The following IFT27 variants were observed in gnomAD, a reference collection of about 807,000 sequenced individuals.
The protein encoded by IFT27 is intraflagellar transport protein 27 homolog.
IFT27 carries 19 observed loss-of-function variants against 23.9 expected under a neutral mutation model. The observed-to-expected ratio is 0.79, with a 90% CI of 0.55 to 1.16. The LOEUF (loss-of-function observed/expected upper bound fraction) is 1.16. IFT27 is among the 50% of genes most tolerant of loss of function. IFT27 has a pLI of 0.00. For missense variants in IFT27, 206 were observed against 228.7 expected, an observed-to-expected ratio of 0.90 and a Z score of 0.64; for synonymous variants, 91 against 89.1, an observed-to-expected ratio of 1.02 and a Z score of -0.12.
At position 36,767,314 on chromosome 22, in the gene IFT27, C is replaced by T; in HGVS notation, c.166G>A (p.Asp56Asn). ...GTAAAGGCATCACTCACCACACTGT[C>T]TCCCGTGTCAGGAACTGGCACTGTC... ...VKTVPVPDTG[D>N]SVELFIFDSA... Residue 56 changes from aspartate (D) to asparagine (N), a missense_variant, in exon 3 of 7, where the codon GAC becomes AAC. By Grantham distance (23) the Asp-to-Asn change is conservative (BLOSUM62 1). Transcript: ENST00000433985. The T allele has an allele frequency of 1.2e-6, 2 of 1,613,808 alleles. No homozygotes were observed. The highest frequency in any genetic ancestry group is 1.7e-6 in the Non-Finnish European group (2 of 1,179,792).
rs1405881391 is a variant in IFT27, at chr22:36,775,684, G to C, written c.24C>G (p.Cys8Trp). Residue 8 changes from cysteine to tryptophan, a missense_variant, in exon 1 of 7, where the codon TGC becomes TGG. By Grantham distance (215) the Cys-to-Trp change is radical. Coordinates refer to ENST00000433985, the MANE Select transcript of IFT27 (RefSeq NM_001177701.3). Reference sequence around the variant, plus strand: ...AGTTTTCAGACTCACCTGCCAGGATGCATTTGGCTGCCAGCTTCACCATGG... The same window carrying C: ...AGTTTTCAGACTCACCTGCCAGGATCCATTTGGCTGCCAGCTTCACCATGG... MVKLAAK[C>W]ILAGDPAVGK... 1 of 1,614,026 alleles carries C rather than the reference G, an allele frequency of 6.2e-7. No homozygotes were observed. The highest frequency in any genetic ancestry group is 8.5e-7 in the Non-Finnish European group (1 of 1,180,026).
At chr22:36,768,334 G>T (rs186859243) in intron 1 of IFT27, 6 of 337,262 alleles carry the variant, frequency 1.8e-5, no homozygotes, top group Admixed American at 1.2e-4. Flanking sequence ...TGGGGCGTGG[G>T]GGGTGGAAGG....
At chr22:36,760,563 G>A (rs1938064059) in intron 6 of IFT27, 1 of 152,204 alleles carries the variant, frequency 6.6e-6, no homozygotes, top group African/African-American at 2.4e-5. Flanking sequence ...GCCTTGAATT[G>A]TGTTCTGCAG....
intron 4 of IFT27, 22 bp downstream of exon 4, chr22:36,766,116 A>G: frequency 6.2e-7 from 1 of 1,607,236 alleles, no homozygotes; most frequent in Non-Finnish European, 8.5e-7. Context: ...GACAGTCAGG[A>G]AAAAGACCAC....
intron 5 of IFT27, chr22:36,763,662 C>A (rs1685577761): frequency 1.8e-6 from 1 of 565,124 alleles, no homozygotes; most frequent in Non-Finnish European, 3.2e-6. Flanking sequence ...TATTACAGCA[C>A]CCTCCCGTTA....
chr22:36,772,496 A>T lies in IFT27; in HGVS notation c.34+3178T>A. ...TTTTTTAAAAGTAAACAAAATACAG[A>T]TCAATGTCAAATGTTGTTTTCTTTC... On this transcript the variant is annotated intron_variant, in intron 1 of 6. Transcript: ENST00000433985. 3 of 985,382 alleles carry T rather than the reference A, an allele frequency of 3.0e-6. No homozygotes were observed. The South Asian group carries it at 1.4e-4, about 46-fold the overall frequency. 61.0% of individuals were successfully genotyped at this position (985,382 alleles called of 1,614,324 possible).
At chr22:36,764,349 G>A (rs978534547) in intron 4 of IFT27, among the ~76,000 whole-genome samples, 2 of 152,268 alleles carry the variant, frequency 1.3e-5, no homozygotes, top group Admixed American at 1.3e-4. Flanking sequence ...TTTCCACTTT[G>A]TAGCTGAAGA....
intron 6 of IFT27, chr22:36,759,907 G>A (rs1004149358): frequency 6.6e-6 from 1 of 152,264 alleles, no homozygotes; most frequent in African/African-American, 2.4e-5. Context: ...TGGGATGTGC[G>A]AAGGAAACCA....
intron 5 of IFT27, 36 bp from the exon 6 acceptor site, chr22:36,763,049 C>T (rs1053352581): frequency 2.1e-6 from 3 of 1,454,414 alleles, no homozygotes; most frequent in African/African-American, 2.8e-5. Context: ...TGGCACTTCA[C>T]TGTCACACTC....
intron 4 of IFT27, 55 bp downstream of exon 4, chr22:36,766,083 T>C (rs1473779743): frequency 7.1e-6 from 10 of 1,399,522 alleles, no homozygotes; most frequent in Non-Finnish European, 1.0e-5. Context: ...CTGTCAGGGG[T>C]AAACGTTTTG....
chr22:36,761,482 T>C (rs1569074415), intron 6 of IFT27: 1 of 152,210 alleles, frequency 6.6e-6, no homozygotes, highest in Non-Finnish European at 1.5e-5. Context: ...AAGCCATGAA[T>C]ACAAGGATTT....
intron 3 of IFT27, 71 bp downstream of exon 3, chr22:36,767,235 T>C (rs759346058): frequency 5.8e-6 from 7 of 1,203,854 alleles, no homozygotes; most frequent in African/African-American, 1.5e-5. Flanking sequence ...CTAGGGAGGA[T>C]GGTGTGACCA....
At chr22:36,765,869 G>C (rs542613313) in intron 4 of IFT27, among the ~76,000 whole-genome samples, 5 of 152,366 alleles carry the variant, frequency 3.3e-5, no homozygotes, top group Admixed American at 1.3e-4. Flanking sequence ...GGCCTCACAG[G>C]GGGAGGGCTG....
chr22:36,776,054 T>A lies in IFT27; in HGVS notation c.-347A>T, dbSNP rs1938494469. 2.7e-6 allele frequency: 1 copy of A among 363,718 alleles called. No homozygotes were observed. Among genetic ancestry groups the A allele is most frequent in the Admixed American group, 3.8e-5 (1 of 26,170 alleles). 22.5% of individuals were successfully genotyped at this position (363,718 alleles called of 1,614,324 possible). A position where few individuals can be genotyped will look rare whatever the true frequency, so the allele number is the denominator to read the frequency against. On this transcript the variant is annotated 5_prime_UTR_variant, in exon 1 of 7. Transcript: ENST00000433985. The stretch of plus-strand genomic sequence containing the variant: ...ACCCAGAGGGTTCAAGGAAGGACGA[T>A]CCGGCTCTCCTCCGATCACAAGTAC...
intron 4 of IFT27, 40 bp from the exon 5 acceptor site, chr22:36,764,076 G>A: frequency 1.4e-6 from 2 of 1,419,974 alleles, no homozygotes; most frequent in Non-Finnish European, 1.0e-6. Flanking sequence ...TCAGTAACAG[G>A]AAAAGTGACT....
intron 1 of IFT27, among the ~76,000 whole-genome samples, chr22:36,774,306 T>A (rs1349895710): frequency 3.3e-5 from 5 of 152,276 alleles, no homozygotes; most frequent in Non-Finnish European, 4.4e-5. Context: ...GGGAATTTTT[T>A]AAAACAGGAA....
intron 4 of IFT27, among the ~76,000 whole-genome samples, chr22:36,764,247 G>A (rs899211076): frequency 6.6e-5 from 10 of 152,266 alleles, no homozygotes; most frequent in African/African-American, 7.2e-5. Flanking sequence ...GGGCGGTGCC[G>A]CCAAGGACAA....
At position 36,763,925 on chromosome 22, in the gene IFT27, G is replaced by A; in HGVS notation, c.346C>T (p.Leu116Phe). The change falls in exon 5 of 7, where the codon CTC becomes TTC. Residue 116 changes from leucine to phenylalanine, a missense_variant. Transcript: ENST00000433985. ...KARSQAPGIS[L>F]PGVLVGNKTD... ...GGGTGTCTGCAGCCCGTACCTGGGA[G>A]AGAGATGCCTGGAGCCTGTGACCGA... 1 of 1,609,732 alleles carries A rather than the reference G, an allele frequency of 6.2e-7. No homozygotes were observed. The highest frequency in any genetic ancestry group is 1.7e-5 in the Admixed American group (1 of 60,032).
rs1031125378 is a variant in IFT27 at position 36,775,758 on chromosome 22, G to C, written c.-51C>G. ...ACCCAGAGGACAAGAGCGGCTGCTA[G>C]AGACGCGAGTGGGTGGGCTTCGGGC... is the stretch of plus-strand genomic sequence containing the variant. On this transcript the variant is annotated 5_prime_UTR_variant, in exon 1 of 7. Transcript: ENST00000433985. 2 of 1,604,472 alleles carry C rather than the reference G, an allele frequency of 1.2e-6. No individual in the cohort carries two copies. The highest frequency in any genetic ancestry group is 1.7e-6 in the Non-Finnish European group (2 of 1,171,502).
Sources: gnomAD v4.1 joint callset for allele counts (sites outside exome capture counted in the v4.1 genomes callset) on GRCh38, gnomAD v4.1.1 for gene constraint, MANE v1.5 for transcripts, NCBI Gene and HGNC (gene_info 2026-07-23, HGNC 2026-07-21) for gene names.